ADAMTSL1: variants seen among roughly 807,000 people sequenced by gnomAD.
The protein encoded by ADAMTSL1 is ADAMTS-like protein 1.
A neutral mutation model predicts 201.8 loss-of-function variants in ADAMTSL1; 126 were observed. That is an observed-to-expected ratio of 0.62 (90% confidence interval 0.54 to 0.72). The LOEUF (loss-of-function observed/expected upper bound fraction) is 0.72. ADAMTSL1 is among the 30% of genes least tolerant of loss of function. The pLI is 0.00. For synonymous variants in ADAMTSL1, 1,121 were observed against 903.4 expected, an observed-to-expected ratio of 1.24 and a Z score of -4.32; for missense variants, 2,679 against 2,277.8, an observed-to-expected ratio of 1.18 and a Z score of -3.59.
chr9:18,396,990 T>A (rs375288357), intron 2 of ADAMTSL1, among the ~76,000 whole-genome samples: 1 of 145,704 alleles, frequency 6.9e-6, no homozygotes, highest in Non-Finnish European at 1.5e-5. Context: ...GATCTGGCTC[T>A]TGTATTTTCT....
intron 16 of ADAMTSL1, among the ~76,000 whole-genome samples, chr9:18,767,909 C>G (rs56107944): frequency 0.17 from 26,341 of 152,168 alleles, 2,773 homozygotes; most frequent in South Asian, 0.3. Flanking sequence ...CAAGCCCAAA[C>G]GACACACTAG....
intron 2 of ADAMTSL1, among the ~76,000 whole-genome samples, chr9:18,359,329 C>T (rs1836397207): frequency 6.6e-6 from 1 of 152,144 alleles, no homozygotes; most frequent in Non-Finnish European, 1.5e-5. Flanking sequence ...CCCCCAGAAT[C>T]CGATGCTGTC....
intron 2 of ADAMTSL1, among the ~76,000 whole-genome samples, chr9:18,169,385 C>T (rs1563781390): frequency 6.6e-6 from 1 of 152,044 alleles, no homozygotes; most frequent in Non-Finnish European, 1.5e-5. Flanking sequence ...AATAGGGAAT[C>T]CTTTCCCCAT....
intron 2 of ADAMTSL1, among the ~76,000 whole-genome samples, chr9:18,292,988 A>G (rs1009145675): frequency 6.6e-6 from 1 of 152,198 alleles, no homozygotes; most frequent in Non-Finnish European, 1.5e-5. Flanking sequence ...AAATCCGGTC[A>G]TGGTTGTTGA....
At chr9:18,560,940 TAA>T (rs60568983) in intron 3 of ADAMTSL1, among the ~76,000 whole-genome samples, 25 of 145,512 alleles carry the variant, frequency 1.7e-4, no homozygotes, top group Middle Eastern at 3.5e-3. Context: ...CGTTAATCTT[TAA>T]AAAAAAAAAA....
chr9:18,298,528 GGTGT>G (rs945354545), intron 2 of ADAMTSL1, among the ~76,000 whole-genome samples: 1 of 151,770 alleles, frequency 6.6e-6, no homozygotes, highest in Non-Finnish European at 1.5e-5. Flanking sequence ...AAAAGACGAG[GGTGT>G]GTGTGTGTGC....
chr9:18,255,265 C>CCGCATTCT (rs1298055874), intron 2 of ADAMTSL1, among the ~76,000 whole-genome samples: 24 of 152,256 alleles, frequency 1.6e-4, no homozygotes, highest in South Asian at 4.1e-4. Flanking sequence ...GGGGGCGCTG[C>CCGCATTCT]CGCATTCTTT....
At chr9:18,273,834 C>A (rs1378814640) in intron 2 of ADAMTSL1, among the ~76,000 whole-genome samples, 2 of 152,182 alleles carry the variant, frequency 1.3e-5, no homozygotes, top group Non-Finnish European at 2.9e-5. Flanking sequence ...AGTGATCAGT[C>A]TTCCACTGTT....
At chr9:18,270,146 G>T (rs1392397901) in intron 2 of ADAMTSL1, among the ~76,000 whole-genome samples, 2 of 152,082 alleles carry the variant, frequency 1.3e-5, no homozygotes, top group Non-Finnish European at 2.9e-5. Flanking sequence ...AGGTCAGGGT[G>T]CTAGCAGGTT....
intron 2 of ADAMTSL1, among the ~76,000 whole-genome samples, chr9:18,517,344 A>G (rs1191696977): frequency 1.3e-5 from 2 of 152,204 alleles, no homozygotes; most frequent in Non-Finnish European, 2.9e-5. Flanking sequence ...GTTCATTAAA[A>G]TAGAGCCCAA....
At position 18,530,288 on chromosome 9, in the gene ADAMTSL1, C is replaced by T. The variant is rs560140580; in HGVS notation, c.192-2959C>T. ...AAAATCTATATCCCAGATCTTCAGG[C>T]TCCTAATTCAGATTTGTTTCCATAA... On this transcript the variant is annotated intron_variant, in intron 2 of 28. Coordinates refer to ENST00000380548, the MANE Select transcript of ADAMTSL1 (RefSeq NM_001040272.6). Among the ~76,000 whole-genome samples the T allele has an allele frequency of 2.3e-4, 35 of 152,182 alleles. No homozygotes were observed. The Middle Eastern group carries it at 0.01, about 45-fold the overall frequency.
At chr9:18,594,136 C>G (rs116340469) in intron 4 of ADAMTSL1, among the ~76,000 whole-genome samples, 2,080 of 152,094 alleles carry the variant, frequency 0.014, 54 homozygotes, top group African/African-American at 0.048. Flanking sequence ...TTACAGGGTA[C>G]AATCTTTTTG....
At chr9:18,508,644 A>T (rs12005242) in intron 2 of ADAMTSL1, among the ~76,000 whole-genome samples, 5,645 of 152,312 alleles carry the variant, frequency 0.037, 352 homozygotes, top group African/African-American at 0.13. Flanking sequence ...ATCAAAGTTC[A>T]TGGAGACACC....
chr9:18,197,935 G>A (rs1051587431), intron 2 of ADAMTSL1, among the ~76,000 whole-genome samples: 3 of 151,984 alleles, frequency 2.0e-5, no homozygotes, highest in Non-Finnish European at 4.4e-5. Flanking sequence ...ACAGAACAGA[G>A]CCCTCAGAAA....
chr9:17,955,200 G>C (rs1380179199), intron 1 of ADAMTSL1, among the ~76,000 whole-genome samples: 1 of 152,092 alleles, frequency 6.6e-6, no homozygotes, highest in African/African-American at 2.4e-5. Context: ...CCTGCCTTTT[G>C]TTTGAATTCA....
intron 9 of ADAMTSL1, among the ~76,000 whole-genome samples, chr9:18,668,588 A>G (rs761531504): frequency 6.6e-6 from 1 of 152,192 alleles, no homozygotes; most frequent in Non-Finnish European, 1.5e-5. Flanking sequence ...AAAAGACTTT[A>G]CTAGCTAAGT....
At chr9:18,123,579 G>C (rs752835443) in intron 1 of ADAMTSL1, among the ~76,000 whole-genome samples, 2 of 152,052 alleles carry the variant, frequency 1.3e-5, no homozygotes, top group Admixed American at 6.6e-5. Flanking sequence ...AGAGATCTCA[G>C]ATAACTTTTA....
chr9:18,731,509 T>C (rs1818213512), intron 15 of ADAMTSL1, among the ~76,000 whole-genome samples: 2 of 152,116 alleles, frequency 1.3e-5, no homozygotes, highest in African/African-American at 4.8e-5. Context: ...CATGCACCTG[T>C]TGTCCCAGCT....
Position 18,089,783 on chromosome 9 carries a change from T to C in ADAMTSL1, c.88-74079T>C, listed in dbSNP as rs372822856. Among the ~76,000 whole-genome samples, 228 of 152,254 alleles carry C rather than the reference T, an allele frequency of 1.5e-3. 8 individuals are homozygous for C. In the South Asian group the frequency reaches 0.047, roughly 31 times the overall value. ...GGAGAAACTGAGAATTGCTTATTGA[T>C]AGAATATACTTTCAGTCACGCAATG... On this transcript the variant is annotated intron_variant, in intron 1 of 29. Transcript: ENST00000680146.
Sources: allele counts gnomAD v4.1 joint callset (sites outside exome capture counted in the v4.1 genomes callset), GRCh38; gene constraint gnomAD v4.1.1; transcripts MANE v1.5; gene names NCBI Gene and HGNC (gene_info 2026-07-23, HGNC 2026-07-21).